KCNIP3: variants seen among roughly 807,000 people sequenced by gnomAD.
The protein encoded by KCNIP3 is potassium voltage-gated channel interacting protein 3.
Under a neutral mutation model 35.0 loss-of-function variants are expected in KCNIP3, and 28 were observed. The ratio of observed to expected loss-of-function variants is 0.80; its 90% CI spans 0.59 to 1.10. The LOEUF (loss-of-function observed/expected upper bound fraction) is 1.10. Ranked by LOEUF, KCNIP3 falls within the 50% of genes least tolerant of loss-of-function variation. The pLI, the probability that KCNIP3 is intolerant of heterozygous loss-of-function variation, is 0.00. For missense variants in KCNIP3, 295 were observed against 338.4 expected (o/e 0.87, Z 1.01); for synonymous variants, 134 against 133.8 (o/e 1.00, Z -0.01).
At chr2:95,308,708 C>G (rs537422018) in intron 1 of KCNIP3, among the ~76,000 whole-genome samples, 15 of 152,188 alleles carry the variant, frequency 9.9e-5, no homozygotes, top group Admixed American at 7.9e-4. Context: ...ATCTCGTCTG[C>G]TTTCCAGGAC....
chr2:95,374,325 A>T lies in KCNIP3; in HGVS notation c.211A>T (p.Thr71Ser). The T allele has an allele frequency of 6.2e-7, 1 of 1,614,090 alleles. No homozygotes were observed. The highest frequency in any genetic ancestry group is 1.1e-5 in the South Asian group (1 of 91,070). ...CAGCGACAGTGAGCTGGAGCTGTCCACGGTGCGCCACCAGCCAGAGGGGCT... is the reference window on the plus strand; with the variant it reads ...CAGCGACAGTGAGCTGGAGCTGTCCTCGGTGCGCCACCAGCCAGAGGGGCT... ...DSSDSELELS[T>S]VRHQPEGLDQ... is the part of the protein sequence containing the mutation. The change falls in exon 3 of 9, where the codon ACG (threonine) becomes TCG (serine). Residue 71 changes from threonine (T) to serine (S), a missense_variant. Transcript: ENST00000295225.
intron 2 of KCNIP3, among the ~76,000 whole-genome samples, chr2:95,314,615 C>T (rs940975441): frequency 2.4e-4 from 37 of 152,328 alleles, no homozygotes; most frequent in Non-Finnish European, 4.4e-4. Flanking sequence ...CTGCTCCCCT[C>T]GATAATAGGG....
chr2:95,314,805 C>A (rs766539882), intron 2 of KCNIP3, among the ~76,000 whole-genome samples: 1 of 152,248 alleles, frequency 6.6e-6, no homozygotes, highest in Non-Finnish European at 1.5e-5. Flanking sequence ...TGGTGAGGAG[C>A]AGCAGAGGTG....
chr2:95,349,267 C>T (rs1443473736), intron 2 of KCNIP3, among the ~76,000 whole-genome samples: 3 of 152,176 alleles, frequency 2.0e-5, no homozygotes, highest in African/African-American at 7.2e-5. Flanking sequence ...GAGCTATCCT[C>T]AGTGCCACTG....
chr2:95,352,186 C>T (rs999932040), intron 2 of KCNIP3, among the ~76,000 whole-genome samples: 2 of 152,074 alleles, frequency 1.3e-5, no homozygotes, highest in South Asian at 2.1e-4. Context: ...TCACTTGAAC[C>T]CGGATTGCAG....
rs765088994 is a variant in KCNIP3 at position 95,374,896 on chromosome 2, G to A, written c.355G>A (p.Ala119Thr). 72 of 1,613,908 alleles carry A rather than the reference G, an allele frequency of 4.5e-5. No homozygotes were observed. The Admixed American group carries it at 4.5e-4, about 10-fold the overall frequency. The stretch of plus-strand genomic sequence containing the variant: ...CGAAGACACCTTCAAACTCATTTAC[G>A]CGCAGTTCTTCCCTCAGGGAGGTGA... ...VDEDTFKLIY[A>T]QFFPQGDATT... is the part of the protein sequence containing the mutation. The change falls in exon 4 of 9, where the codon GCG (alanine) becomes ACG (threonine). Residue 119 changes from alanine (A) to threonine (T), a missense_variant. By Grantham distance (58) the Ala-to-Thr change is moderately conservative. Coordinates refer to ENST00000295225, the MANE Select transcript of KCNIP3 (RefSeq NM_013434.5).
chr2:95,344,518 T>C (rs935323534), intron 2 of KCNIP3, among the ~76,000 whole-genome samples: 1 of 152,210 alleles, frequency 6.6e-6, no homozygotes, highest in Non-Finnish European at 1.5e-5. Flanking sequence ...AGCCAGAGGA[T>C]CGATGTCTTG....
intron 2 of KCNIP3, among the ~76,000 whole-genome samples, chr2:95,335,251 G>T (rs1420461042): frequency 6.6e-6 from 1 of 152,230 alleles, no homozygotes; most frequent in Non-Finnish European, 1.5e-5. Flanking sequence ...AGTACTTCTT[G>T]TGGAATGTAT....
intron 1 of KCNIP3, among the ~76,000 whole-genome samples, chr2:95,305,988 G>T (rs1478940375): frequency 6.6e-6 from 1 of 152,188 alleles, no homozygotes; most frequent in Non-Finnish European, 1.5e-5. Context: ...ATAACTTTTC[G>T]TTTCTTCAGG....
chr2:95,374,088 G>T (rs1680107104), intron 2 of KCNIP3, among the ~76,000 whole-genome samples: 1 of 152,236 alleles, frequency 6.6e-6, no homozygotes, highest in Non-Finnish European at 1.5e-5. Flanking sequence ...CCCGCCCTGT[G>T]GGGGGCAGGA....
At chr2:95,299,564 A>G (rs757433041) in intron 1 of KCNIP3, among the ~76,000 whole-genome samples, 1 of 152,308 alleles carries the variant, frequency 6.6e-6, no homozygotes, top group Non-Finnish European at 1.5e-5. Flanking sequence ...GGCTCAGAAA[A>G]CTGGAACAGC....
intron 2 of KCNIP3, among the ~76,000 whole-genome samples, chr2:95,323,645 C>T (rs2104230626): frequency 6.6e-6 from 1 of 152,316 alleles, no homozygotes; most frequent in South Asian, 2.1e-4. Context: ...TGTTCCCACC[C>T]CGTCACAACT....
intron 2 of KCNIP3, among the ~76,000 whole-genome samples, chr2:95,362,376 G>C (rs1261655256): frequency 6.6e-6 from 1 of 152,036 alleles, no homozygotes; most frequent in Non-Finnish European, 1.5e-5. Flanking sequence ...AAAGTGCTGG[G>C]ATTACAGGCA....
intron 3 of KCNIP3, among the ~76,000 whole-genome samples, 176 bp from the exon 4 acceptor site, chr2:95,374,672 C>G (rs1680128798): frequency 6.6e-6 from 1 of 152,186 alleles, no homozygotes; most frequent in Non-Finnish European, 1.5e-5. Flanking sequence ...TTCACCCCTC[C>G]TCCCTCTCAC....
chr2:95,321,689 G>A (rs1678602359), intron 2 of KCNIP3, among the ~76,000 whole-genome samples: 1 of 152,268 alleles, frequency 6.6e-6, no homozygotes, highest in Non-Finnish European at 1.5e-5. Flanking sequence ...GGGAACAAAA[G>A]GCACACAGAG....
chr2:95,345,195 A>C (rs1375386427), intron 2 of KCNIP3, among the ~76,000 whole-genome samples: 1 of 152,242 alleles, frequency 6.6e-6, no homozygotes, highest in Admixed American at 6.5e-5. Context: ...TCTCCCGGTC[A>C]TTTCCCACCA....
chr2:95,382,287 TGCCCTGCACCCTTGGATGCC>T lies in KCNIP3; in HGVS notation c.556-85_556-66del. The T allele has an allele frequency of 2.8e-6, 2 of 718,188 alleles. No homozygotes were observed. The highest frequency in any genetic ancestry group is 6.0e-5 in the East Asian group (2 of 33,448). The allele number at this position is 718,188 out of a possible 1,614,324, so 44.5% of individuals were successfully genotyped here. A position where few individuals can be genotyped will look rare whatever the true frequency, so the allele number is the denominator to read the frequency against. ...CCCCTCGCACTCACTGCCTTGGAGG[TGCCCTGCACCCTTGGATGCC>T]GCCCGCTCCCTTTGGGCCCTCACAG... On this transcript the variant is annotated intron_variant, in intron 6 of 8. Coordinates refer to ENST00000295225, the MANE Select transcript of KCNIP3 (RefSeq NM_013434.5). The surrounding 1 kb of genome is among the most constrained non-coding windows in gnomAD (Gnocchi z 4.5).
At chr2:95,319,850 G>A (rs1007991233) in intron 2 of KCNIP3, among the ~76,000 whole-genome samples, 4 of 152,228 alleles carry the variant, frequency 2.6e-5, no homozygotes, top group Non-Finnish European at 5.9e-5. Context: ...CTTCCTTAGG[G>A]AGAGTGAGAC....
At chr2:95,365,620 G>C (rs770973207) in intron 2 of KCNIP3, among the ~76,000 whole-genome samples, 17 of 152,144 alleles carry the variant, frequency 1.1e-4, no homozygotes, top group Non-Finnish European at 1.8e-4. Flanking sequence ...AAAAGGCTTA[G>C]GGGAAAATAT....
Sources: allele counts gnomAD v4.1 joint callset (sites outside exome capture counted in the v4.1 genomes callset), GRCh38; gene constraint gnomAD v4.1.1; non-coding constraint Gnocchi (gnomAD v3.1); transcripts MANE v1.5; gene names NCBI Gene and HGNC (gene_info 2026-07-23, HGNC 2026-07-21).